The following TRIB2 variants were observed in gnomAD, a reference collection of about 807,000 sequenced individuals.
The protein encoded by TRIB2 is tribbles pseudokinase 2, also known as tribbles homolog 2.
TRIB2 carries 2 observed loss-of-function variants against 26.8 expected under a neutral mutation model. The observed-to-expected ratio is 0.07, with a 90% CI of 0.03 to 0.24. The LOEUF is 0.24. TRIB2 is among the 10% of genes least tolerant of loss of function. The pLI, the probability that TRIB2 is intolerant of heterozygous loss-of-function variation, is 1.00. For missense variants in TRIB2, 306 were observed against 449.0 expected, an observed-to-expected ratio of 0.68 and a Z score of 2.88; for synonymous variants, 189 against 187.3, an observed-to-expected ratio of 1.01 and a Z score of -0.08.
intron 2 of TRIB2, among the ~76,000 whole-genome samples, chr2:12,733,008 G>C (rs1440675878): frequency 1.3e-5 from 2 of 150,704 alleles, no homozygotes; most frequent in East Asian, 3.9e-4. Flanking sequence ...GCCCCACCCT[G>C]GCCCACCCTG....
intron 2 of TRIB2, among the ~76,000 whole-genome samples, chr2:12,727,183 G>T (rs1572480619): frequency 6.6e-6 from 1 of 152,192 alleles, no homozygotes; most frequent in African/African-American, 2.4e-5. Flanking sequence ...TTTCTAAGCT[G>T]CGGTTCCTCA....
rs567360708 is a variant in TRIB2 at position 12,721,942 on chromosome 2, C to T, written c.271-1318C>T. Among the ~76,000 whole-genome samples the T allele has an allele frequency of 8.5e-5, 13 of 152,260 alleles. 1 individual carries two copies. In the South Asian group the frequency reaches 1.2e-3, roughly 15 times the overall value. ...CCGGTATCGTGCATGCATTTGAGAACGGGCATTGTCAGCTAAGAGGGAACA... is the reference window on the plus strand; with the variant it reads ...CCGGTATCGTGCATGCATTTGAGAATGGGCATTGTCAGCTAAGAGGGAACA... On this transcript the variant is annotated intron_variant, in intron 1 of 2. Coordinates refer to ENST00000155926, the MANE Select transcript of TRIB2 (RefSeq NM_021643.4).
At position 12,718,226 on chromosome 2, in the gene TRIB2, C is replaced by G. The variant is rs909299672; in HGVS notation, c.-82C>G. The G allele has an allele frequency of 5.2e-6, 8 of 1,527,696 alleles. No individual in the cohort carries two copies. The highest frequency in any genetic ancestry group is 7.1e-6 in the Non-Finnish European group (8 of 1,134,706). 94.6% of individuals were successfully genotyped at this position (1,527,696 alleles called of 1,614,324 possible). A position where few individuals can be genotyped will look rare whatever the true frequency, so the allele number is the denominator to read the frequency against. ...CGCTCCCTTTTAAAATCAGTGGCAC[C>G]GAGGCGCCTGCAGCCGCACTCGCCA... On this transcript the variant is annotated 5_prime_UTR_variant, in exon 1 of 3. Coordinates refer to ENST00000155926, the MANE Select transcript of TRIB2 (RefSeq NM_021643.4). This position sits in a 1 kb window ranked among gnomAD's most constrained non-coding sequence, Gnocchi z 4.0.
At chr2:12,726,574 G>A (rs1661344743) in intron 2 of TRIB2, among the ~76,000 whole-genome samples, 2 of 152,286 alleles carry the variant, frequency 1.3e-5, no homozygotes, top group Non-Finnish European at 2.9e-5. Context: ...CAACAACATC[G>A]AAAGTGTAAG....
chr2:12,738,740 G>A (rs1472727698), intron 2 of TRIB2, among the ~76,000 whole-genome samples: 1 of 152,138 alleles, frequency 6.6e-6, no homozygotes. Context: ...TTGGGGCGCT[G>A]GGTGGAGGAA....
At chr2:12,725,242 A>C (rs1403430179) in intron 2 of TRIB2, among the ~76,000 whole-genome samples, 1 of 152,266 alleles carries the variant, frequency 6.6e-6, no homozygotes, top group East Asian at 1.9e-4. Context: ...CTCGGGCACC[A>C]ACGAGTAGAA....
chr2:12,737,115 C>T lies in TRIB2; in HGVS notation c.564-3211C>T, dbSNP rs149629726. Among the ~76,000 whole-genome samples, 6 of 152,274 alleles carry T rather than the reference C, an allele frequency of 3.9e-5. No homozygotes were observed. The East Asian group carries it at 1.2e-3, about 29-fold the overall frequency. On this transcript the variant is annotated intron_variant, in intron 2 of 2. Transcript: ENST00000155926. Reference sequence around the variant, plus strand: ...TCGAGAGTCCCTGGGGGTCACCCTGCAGCCGTGACCAAGCCCTAGGCCTCC... The same window carrying T: ...TCGAGAGTCCCTGGGGGTCACCCTGTAGCCGTGACCAAGCCCTAGGCCTCC...
rs147961352 is a variant in TRIB2, at chr2:12,719,288, C to T, written c.270+711C>T. ...CTCTTCCGTGCCCCCCTGAACAACA[C>T]CTTTGCCTGTAAGGTTAAGAGGCTC... is the stretch of plus-strand genomic sequence containing the variant. On this transcript the variant is annotated intron_variant, in intron 1 of 2. Transcript: ENST00000155926. Among the ~76,000 whole-genome samples the T allele has an allele frequency of 4.3e-3, 648 of 152,220 alleles. 3 individuals carry two copies. Among genetic ancestry groups the T allele is most frequent in the African/African-American group, 0.015 (618 of 41,528 alleles).
At chr2:12,733,748 G>T (rs1220236775) in intron 2 of TRIB2, among the ~76,000 whole-genome samples, 1 of 152,164 alleles carries the variant, frequency 6.6e-6, no homozygotes, top group Non-Finnish European at 1.5e-5. Context: ...AGCTAGACGA[G>T]CCCTTTTCAG....
chr2:12,723,652 TC>T, intron 2 of TRIB2, 100 bp downstream of exon 2: 1 of 1,392,044 alleles, frequency 7.2e-7, no homozygotes, highest in Non-Finnish European at 9.7e-7. Context: ...CCGTCTGTGG[TC>T]CAGATGAGGG....
chr2:12,740,701 C>A lies in TRIB2; in HGVS notation c.939C>A (p.Ser313Arg). Residue 313 changes from serine to arginine, a missense_variant, in exon 3 of 3, where the codon AGC becomes AGA. Around this residue, in one of 4 missense-constraint regions of TRIB2, gnomAD observed 78 missense variants for 104.9 expected, o/e 0.74. Transcript: ENST00000155926. This position sits in a 1 kb window ranked among gnomAD's most constrained non-coding sequence, Gnocchi z 5.8. The part of the protein sequence containing the change: ...LDHPWFSTDF[S>R]VSNSAYGAKE... ...ATCCTTGGTTTTCTACAGATTTTAG[C>A]GTCTCGAATTCAGCATATGGTGCTA... 6.2e-7 allele frequency: 1 copy of A among 1,614,142 alleles called. No individual in the cohort carries two copies. The highest frequency in any genetic ancestry group is 8.5e-7 in the Non-Finnish European group (1 of 1,180,038).
intron 2 of TRIB2, 40 bp downstream of exon 2, chr2:12,723,592 C>G (rs780794177): frequency 1.3e-6 from 2 of 1,577,630 alleles, no homozygotes; most frequent in Non-Finnish European, 1.7e-6. Flanking sequence ...CTGTGATGGA[C>G]TGCTCCTAAC....
chr2:12,736,930 A>G (rs1471687576), intron 2 of TRIB2, among the ~76,000 whole-genome samples: 1 of 152,238 alleles, frequency 6.6e-6, no homozygotes, highest in Non-Finnish European at 1.5e-5. Context: ...TCATTCGAGC[A>G]GAGGCAAGAC....
At chr2:12,719,930 T>C (rs572101723) in intron 1 of TRIB2, among the ~76,000 whole-genome samples, 3 of 152,358 alleles carry the variant, frequency 2.0e-5, no homozygotes, top group Admixed American at 6.5e-5. Context: ...AGTAGCTGGA[T>C]TGAATTCTCA....
Position 12,718,142 on chromosome 2 carries a change from C to T in TRIB2, c.-166C>T. 1.0e-6 allele frequency: 1 copy of T among 983,002 alleles called. No individual in the cohort carries two copies. The highest frequency in any genetic ancestry group is 1.4e-6 in the Non-Finnish European group (1 of 691,320). 60.9% of individuals were successfully genotyped at this position (983,002 alleles called of 1,614,324 possible). The stretch of plus-strand genomic sequence containing the variant: ...GGAGCAGACGAGGTATCCGGCGGCG[C>T]CCATTTGGGGGCTTCTAACTCTTTC... On this transcript the variant is annotated 5_prime_UTR_variant, in exon 1 of 3. Transcript: ENST00000155926. This position sits in a 1 kb window ranked among gnomAD's most constrained non-coding sequence, Gnocchi z 4.0.
intron 2 of TRIB2, among the ~76,000 whole-genome samples, chr2:12,730,322 C>T (rs979093284): frequency 1.3e-5 from 2 of 152,158 alleles, no homozygotes; most frequent in Non-Finnish European, 1.5e-5. Context: ...AGTGGCAGAC[C>T]TGGGGTTGGT....
chr2:12,729,735 T>C, intron 2 of TRIB2, among the ~76,000 whole-genome samples: 1 of 152,188 alleles, frequency 6.6e-6, no homozygotes, highest in African/African-American at 2.4e-5. Context: ...GATTTCTTGC[T>C]GGGCTGCTTA....
In TRIB2 at chr2:12,732,969, C is replaced by G. The variant is rs190249876; in HGVS notation, c.564-7357C>G. On this transcript the variant is annotated intron_variant, in intron 2 of 2. Coordinates refer to ENST00000155926, the MANE Select transcript of TRIB2 (RefSeq NM_021643.4). This position sits in a 1 kb window ranked among gnomAD's most constrained non-coding sequence, Gnocchi z 4.2. ...ACCGGACTTCCCATCCCTGCCAGGC[C>G]CACTTTGTCTGGCTGAACTCCCAGC... 4.9e-3 allele frequency among the ~76,000 whole-genome samples: 754 copies of G among 152,350 alleles called. 4 individuals carry two copies. The highest frequency in any genetic ancestry group is 0.017 in the African/African-American group (713 of 41,584).
At position 12,717,067 on chromosome 2, in the gene TRIB2, T is replaced by G; in HGVS notation, c.-1241T>G. The G allele has an allele frequency of 4.2e-6, 1 of 239,888 alleles. No individual in the cohort carries two copies. Among genetic ancestry groups the G allele is most frequent in the Non-Finnish European group, 7.9e-6 (1 of 126,080 alleles). The allele number at this position is 239,888 out of a possible 1,614,324, so 14.9% of individuals were successfully genotyped here. On this transcript the variant is annotated 5_prime_UTR_variant, in exon 1 of 3. Transcript: ENST00000155926. This position sits in a 1 kb window ranked among gnomAD's most constrained non-coding sequence, Gnocchi z 4.8. ...GATGCGGGCGTGCTGAGCGCGGGGA[T>G]TGGCCTCGGGCACCGTCGGCCGTCC...
Sources: allele counts gnomAD v4.1 joint callset (sites outside exome capture counted in the v4.1 genomes callset), GRCh38; gene constraint gnomAD v4.1.1; regional missense constraint gnomAD v4.1.1; non-coding constraint Gnocchi (gnomAD v3.1); transcripts MANE v1.5; gene names NCBI Gene and HGNC (gene_info 2026-07-23, HGNC 2026-07-21).